Variants in ALPK2 observed in about 807,000 individuals in gnomAD.
ALPK2 encodes the protein alpha-protein kinase 2.
ALPK2 carries 127 observed loss-of-function variants against 163.1 expected under a neutral mutation model. That is an observed-to-expected ratio of 0.78 (90% CI 0.67 to 0.90). The LOEUF is 0.90. ALPK2 is among the 40% of genes least tolerant of loss of function. The pLI, the probability that ALPK2 is intolerant of heterozygous loss-of-function variation, is 0.00. For missense variants in ALPK2, 2,360 were observed against 2,589.6 expected, an observed-to-expected ratio of 0.91 and a Z score of 1.92; for synonymous variants, 953 against 959.1, an observed-to-expected ratio of 0.99 and a Z score of 0.12.
At chr18:58,486,934 A>G (rs2051341797) in intron 12 of ALPK2, among the ~76,000 whole-genome samples, 1 of 152,238 alleles carries the variant, frequency 6.6e-6, no homozygotes, top group Non-Finnish European at 1.5e-5. Context: ...TGGGAAGTGC[A>G]GGTTTCCCTG....
At chr18:58,617,116 G>A (rs1053074249) in intron 1 of ALPK2, among the ~76,000 whole-genome samples, 20 of 152,134 alleles carry the variant, frequency 1.3e-4, no homozygotes, top group Non-Finnish European at 1.0e-4. Context: ...TGGGAGAGCA[G>A]AGAAAAAACA....
chr18:58,565,520 C>T (rs977408190), intron 4 of ALPK2, among the ~76,000 whole-genome samples: 6 of 152,118 alleles, frequency 3.9e-5, no homozygotes, highest in African/African-American at 1.4e-4. Flanking sequence ...TTTATCTCTT[C>T]CATAAACTTT....
chr18:58,576,220 G>T (rs2051921034), intron 4 of ALPK2, among the ~76,000 whole-genome samples: 1 of 152,042 alleles, frequency 6.6e-6, no homozygotes, highest in African/African-American at 2.4e-5. Flanking sequence ...CTAAAAATAT[G>T]AAAATTAGCC....
chr18:58,588,654 T>C (rs796224701), intron 3 of ALPK2, among the ~76,000 whole-genome samples: 28 of 152,296 alleles, frequency 1.8e-4, no homozygotes, highest in African/African-American at 6.7e-4. Flanking sequence ...CTCATTTTTT[T>C]AGCTCCCACT....
rs1307195592 is a variant in ALPK2, at chr18:58,536,216, T to C, written c.3971A>G (p.His1324Arg). The change falls in exon 5 of 13, where the codon CAT (histidine) becomes CGT (arginine). Residue 1324 changes from histidine to arginine, a missense_variant. Physicochemically the swap from His to Arg is conservative, Grantham distance 29. Coordinates refer to ENST00000361673, the MANE Select transcript of ALPK2 (RefSeq NM_052947.4). ...HKGEEPTISV[H>R]WRSLSSRGFS... ...ACCCCGGGAAGAAAGACTTCTCCAA[T>C]GTACACTGATGGTGGGCTCTTCGCC... 6.2e-6 allele frequency: 10 copies of C among 1,614,212 alleles called. No homozygotes were observed. Among genetic ancestry groups the C allele is most frequent in the East Asian group, 2.2e-5 (1 of 44,880 alleles).
At chr18:58,515,832 T>C (rs1376948424) in intron 9 of ALPK2, among the ~76,000 whole-genome samples, 2 of 152,230 alleles carry the variant, frequency 1.3e-5, no homozygotes, top group African/African-American at 4.8e-5. Flanking sequence ...TTAATTGTTT[T>C]AGATGTTTAT....
chr18:58,522,398 G>A (rs1366018710), intron 8 of ALPK2, among the ~76,000 whole-genome samples: 1 of 152,160 alleles, frequency 6.6e-6, no homozygotes, highest in Non-Finnish European at 1.5e-5. Context: ...GTGGGCATGG[G>A]TGGGCGTAGG....
intron 1 of ALPK2, among the ~76,000 whole-genome samples, chr18:58,619,944 CA>C (rs1162318855): frequency 6.6e-5 from 10 of 152,212 alleles, no homozygotes; most frequent in African/African-American, 2.4e-4. Flanking sequence ...AATGGGTAGA[CA>C]AAATGTGGCA....
chr18:58,621,012 C>T (rs1389524257), intron 1 of ALPK2, among the ~76,000 whole-genome samples: 1 of 151,798 alleles, frequency 6.6e-6, no homozygotes, highest in Non-Finnish European at 1.5e-5. Flanking sequence ...AAAAATTAGC[C>T]GGGTGTGTCG....
In ALPK2 at chr18:58,535,106, C is replaced by T. The variant is rs145798849; in HGVS notation, c.5081G>A (p.Arg1694Gln). 6.4e-4 allele frequency: 1,035 copies of T among 1,614,090 alleles called. 3 individuals are homozygous for T. Among genetic ancestry groups the T allele is most frequent in the South Asian group, 1.3e-3 (114 of 91,070 alleles). ...SREREKSLEA[R>Q]AGKSPGTLTA... ...GAGGGTCCCTGGCGATTTGCCTGCT[C>T]GGGCTTCCAGGGACTTCTCTCTCTC... Residue 1694 changes from arginine to glutamine, a missense_variant, in exon 5 of 13, where the codon CGA becomes CAA. Coordinates refer to ENST00000361673, the MANE Select transcript of ALPK2 (RefSeq NM_052947.4).
rs1408838459 is a variant in ALPK2 at position 58,515,055 on chromosome 18, C to T, written c.5967G>A (p.Arg1989=). The stretch of plus-strand genomic sequence containing the variant: ...CAGCAGCGTAGATCTTGGCATAATA[C>T]CTGGCAGTATTTTGAACATAGCATT... ...AQECYVQNTA[R]YYAKIYAAEA... The change falls in exon 10 of 13, where the codon AGG becomes AGA. Residue 1989 remains arginine (R), a synonymous_variant. Coordinates refer to ENST00000361673, the MANE Select transcript of ALPK2 (RefSeq NM_052947.4). 3 of 1,612,522 alleles carry T rather than the reference C, an allele frequency of 1.9e-6. No homozygotes were observed. The highest frequency in any genetic ancestry group is 2.7e-5 in the African/African-American group (2 of 74,846).
At position 58,579,796 on chromosome 18, in the gene ALPK2, A is replaced by G. The variant is rs768306902; in HGVS notation, c.980T>C (p.Leu327Pro). The G allele has an allele frequency of 3.7e-6, 6 of 1,614,092 alleles. No individual in the cohort carries two copies. In the South Asian group the frequency reaches 4.4e-5, roughly 12 times the overall value. Residue 327 changes from leucine (L) to proline (P), a missense_variant, in exon 4 of 13, where the codon CTG becomes CCG. Coordinates refer to ENST00000361673, the MANE Select transcript of ALPK2 (RefSeq NM_052947.4). ...TYTEEFSDDD[L>P]EYLECSDVMT... The stretch of plus-strand genomic sequence containing the variant: ...AACATCAGAACATTCCAGATACTCC[A>G]GGTCATCATCTGAAAACTCCTCGGT...
chr18:58,581,605 C>T (rs759010681), intron 3 of ALPK2, among the ~76,000 whole-genome samples: 1 of 152,244 alleles, frequency 6.6e-6, no homozygotes, highest in Admixed American at 6.5e-5. Context: ...ACATACTTTA[C>T]TGGGTCCTTT....
At chr18:58,627,130 C>G (rs1156624836) in intron 1 of ALPK2, among the ~76,000 whole-genome samples, 1 of 152,102 alleles carries the variant, frequency 6.6e-6, no homozygotes, top group Non-Finnish European at 1.5e-5. Flanking sequence ...CCTGCTTCTC[C>G]CACCTCCATC....
intron 3 of ALPK2, among the ~76,000 whole-genome samples, chr18:58,588,064 A>C (rs2051996239): frequency 6.6e-6 from 1 of 152,214 alleles, no homozygotes; most frequent in Non-Finnish European, 1.5e-5. Context: ...CAACTTAATC[A>C]TGCAAAAGCT....
rs141959270 is a variant in ALPK2, at chr18:58,535,260, G to C, written c.4927C>G (p.Pro1643Ala). 7 of 1,614,144 alleles carry C rather than the reference G, an allele frequency of 4.3e-6. No individual in the cohort carries two copies. Among genetic ancestry groups the C allele is most frequent in the Non-Finnish European group, 5.9e-6 (7 of 1,180,028 alleles). ...EVLQIGETKP[P>A]SSSSSSAKTL... is the part of the protein sequence containing the mutation. ...TTCGCTGAGGAGCTAGATGAGCTTG[G>C]GGGTTTGGTTTCCCCAATTTGAAGC... The change falls in exon 5 of 13, where the codon CCA becomes GCA. Residue 1643 changes from proline (P) to alanine (A), a missense_variant. Physicochemically the swap from Pro to Ala is conservative, Grantham distance 27 (BLOSUM62 -1). Coordinates refer to ENST00000361673, the MANE Select transcript of ALPK2 (RefSeq NM_052947.4).
intron 4 of ALPK2, among the ~76,000 whole-genome samples, chr18:58,561,340 T>C (rs1254737278): frequency 2.6e-5 from 4 of 152,148 alleles, no homozygotes; most frequent in Non-Finnish European, 5.9e-5. Context: ...ATAAGCCACA[T>C]TGGAACACTG....
chr18:58,489,394 C>T (rs1166923941), intron 12 of ALPK2, among the ~76,000 whole-genome samples: 2 of 152,164 alleles, frequency 1.3e-5, no homozygotes, highest in Non-Finnish European at 1.5e-5. Context: ...TCTGATATCT[C>T]TCCTAGGCTT....
chr18:58,510,038 A>G (rs2051482036), intron 10 of ALPK2, among the ~76,000 whole-genome samples: 1 of 152,144 alleles, frequency 6.6e-6, no homozygotes, highest in Admixed American at 6.5e-5. Context: ...TAAGTCTTTA[A>G]TCCATCTTGA....
Sources: gnomAD v4.1 joint callset for allele counts (sites outside exome capture counted in the v4.1 genomes callset) on GRCh38, gnomAD v4.1.1 for gene constraint, MANE v1.5 for transcripts, NCBI Gene and HGNC (gene_info 2026-07-23, HGNC 2026-07-21) for gene names.